Variants in KCNAB1 observed in about 807,000 individuals in gnomAD.
KCNAB1 encodes the protein potassium voltage-gated channel subfamily A regulatory beta subunit 1.
Under a neutral mutation model 64.6 loss-of-function variants are expected in KCNAB1, and 35 were observed. The ratio of observed to expected loss-of-function variants is 0.54; its 90% CI spans 0.41 to 0.72. KCNAB1 has a LOEUF of 0.72. Among genes scored for constraint, KCNAB1 ranks in the 30% least tolerant of loss-of-function variants. KCNAB1 has a pLI of 0.00. For synonymous variants in KCNAB1, 177 were observed against 183.8 expected (o/e 0.96, Z 0.30); for missense variants, 401 against 512.9 (o/e 0.78, Z 2.11).
At chr3:156,391,275 G>A (rs527386281) in intron 1 of KCNAB1, among the ~76,000 whole-genome samples, 3 of 151,992 alleles carry the variant, frequency 2.0e-5, no homozygotes, top group Admixed American at 6.5e-5. Context: ...CTGTTTCCTC[G>A]TCTATAAAAT....
intron 1 of KCNAB1, among the ~76,000 whole-genome samples, chr3:156,333,074 G>T (rs182536064): frequency 3.5e-4 from 53 of 152,204 alleles, no homozygotes; most frequent in Admixed American, 3.5e-3. Context: ...TAGTACTCCT[G>T]CAATCCAACC....
chr3:156,196,021 G>A (rs746580749), intron 1 of KCNAB1, among the ~76,000 whole-genome samples: 54 of 151,938 alleles, frequency 3.6e-4, no homozygotes, highest in Non-Finnish European at 1.9e-4. Context: ...CCAGTTTTCC[G>A]AACACCATTT....
At chr3:156,279,995 G>T (rs1275564179) in intron 1 of KCNAB1, among the ~76,000 whole-genome samples, 5 of 150,058 alleles carry the variant, frequency 3.3e-5, no homozygotes, top group Non-Finnish European at 7.4e-5. Flanking sequence ...GTCAATTTTG[G>T]CTTTTGTTGC....
At chr3:156,471,266 C>T (rs938447510) in intron 7 of KCNAB1, among the ~76,000 whole-genome samples, 13 of 152,276 alleles carry the variant, frequency 8.5e-5, no homozygotes, top group Admixed American at 8.5e-4. Flanking sequence ...CTTTAGAAAC[C>T]TGTGAAATAC....
At position 156,538,196 on chromosome 3, in the gene KCNAB1, G is replaced by A. The variant is rs1719195395; in HGVS notation, c.*1449G>A. 6.6e-6 allele frequency: 1 copy of A among 151,510 alleles called. No individual in the cohort carries two copies. Among genetic ancestry groups the A allele is most frequent in the African/African-American group, 2.4e-5 (1 of 41,168 alleles). The allele number at this position is 151,510 out of a possible 1,614,324, so 9.4% of individuals were successfully genotyped here. ...GGGAGTGGCCCTTTAACTCTATTTG[G>A]CTATCTGAGGATGTACAAAATTCTC... On this transcript the variant is annotated 3_prime_UTR_variant, in exon 14 of 14. Transcript: ENST00000490337.
chr3:156,224,964 G>A (rs1243104760), intron 1 of KCNAB1, among the ~76,000 whole-genome samples: 2 of 152,118 alleles, frequency 1.3e-5, no homozygotes, highest in African/African-American at 4.8e-5. Flanking sequence ...GGACCAGACC[G>A]ATTCACAGCT....
intron 1 of KCNAB1, among the ~76,000 whole-genome samples, chr3:156,354,432 A>T (rs1346198453): frequency 6.6e-6 from 1 of 151,898 alleles, no homozygotes; most frequent in African/African-American, 2.4e-5. Context: ...AAGTGCTGGG[A>T]TTACAGGCAT....
At chr3:156,247,548 A>G (rs1214054861) in intron 1 of KCNAB1, among the ~76,000 whole-genome samples, 1 of 151,994 alleles carries the variant, frequency 6.6e-6, no homozygotes, top group Non-Finnish European at 1.5e-5. Context: ...CTTCCAGCAG[A>G]CTGAACCACA....
intron 1 of KCNAB1, among the ~76,000 whole-genome samples, chr3:156,198,344 G>A (rs1714093721): frequency 1.3e-5 from 2 of 152,240 alleles, no homozygotes; most frequent in African/African-American, 2.4e-5. Context: ...GAATATCCTT[G>A]TTAATTTTCT....
At chr3:156,531,081 G>T (rs1267593166) in intron 12 of KCNAB1, among the ~76,000 whole-genome samples, 2 of 152,200 alleles carry the variant, frequency 1.3e-5, no homozygotes, top group Non-Finnish European at 2.9e-5. Context: ...TGGAAAACCA[G>T]CGGAGAAGCA....
rs1479368324 is a variant in KCNAB1 at position 156,324,683 on chromosome 3, C to T, written c.276-96933C>T. Among the ~76,000 whole-genome samples the T allele has an allele frequency of 5.3e-5, 8 of 152,110 alleles. No homozygotes were observed. In the East Asian group the frequency reaches 1.5e-3, roughly 29 times the overall value. The stretch of plus-strand genomic sequence containing the variant: ...CTTTGCTAGTTTGGGGACTTTTCCT[C>T]AGACCCTCACAGTCATATTCATTTT... On this transcript the variant is annotated intron_variant, in intron 1 of 13. Transcript: ENST00000490337.
At chr3:156,495,140 G>A (rs182401881) in intron 8 of KCNAB1, among the ~76,000 whole-genome samples, 1 of 152,208 alleles carries the variant, frequency 6.6e-6, no homozygotes, top group Non-Finnish European at 1.5e-5. Flanking sequence ...TTCTGTTTCT[G>A]CATTAGTTTG....
chr3:156,461,498 T>C (rs1049932171), intron 5 of KCNAB1, among the ~76,000 whole-genome samples: 1 of 152,228 alleles, frequency 6.6e-6, no homozygotes, highest in Non-Finnish European at 1.5e-5. Flanking sequence ...GCAGTGATCC[T>C]ATTTCCAAAT....
intron 1 of KCNAB1, among the ~76,000 whole-genome samples, chr3:156,236,274 A>G (rs567328103): frequency 6.6e-6 from 1 of 152,298 alleles, no homozygotes; most frequent in South Asian, 2.1e-4. Context: ...CAGCTCCTGC[A>G]AAGTTGCACC....
At chr3:156,317,269 T>C (rs1722333037) in intron 1 of KCNAB1, among the ~76,000 whole-genome samples, 1 of 152,180 alleles carries the variant, frequency 6.6e-6, no homozygotes, top group African/African-American at 2.4e-5. Flanking sequence ...TGCATGTACA[T>C]TTTCACATTG....
chr3:156,175,600 A>G (rs1712311790), intron 1 of KCNAB1, among the ~76,000 whole-genome samples: 1 of 152,252 alleles, frequency 6.6e-6, no homozygotes, highest in South Asian at 2.1e-4. Flanking sequence ...CCTGGGTGAT[A>G]GAGCGAGACT....
chr3:156,257,630 G>A (rs1372649664), intron 1 of KCNAB1, among the ~76,000 whole-genome samples: 1 of 152,054 alleles, frequency 6.6e-6, no homozygotes, highest in Non-Finnish European at 1.5e-5. Flanking sequence ...TTCACTATAG[G>A]GAGCACACTT....
intron 1 of KCNAB1, among the ~76,000 whole-genome samples, chr3:156,141,779 G>A (rs140262547): frequency 7.4e-4 from 113 of 152,288 alleles, no homozygotes; most frequent in African/African-American, 2.6e-3. Context: ...TGGGATAAAT[G>A]CCCAACAGTG....
chr3:156,332,352 T>G (rs939066667), intron 1 of KCNAB1, among the ~76,000 whole-genome samples: 7 of 152,200 alleles, frequency 4.6e-5, no homozygotes, highest in African/African-American at 1.7e-4. Context: ...TTTATCAAGT[T>G]TAGTCATCCA....
Sources: allele counts gnomAD v4.1 joint callset (sites outside exome capture counted in the v4.1 genomes callset), GRCh38; gene constraint gnomAD v4.1.1; transcripts MANE v1.5; gene names NCBI Gene and HGNC (gene_info 2026-07-23, HGNC 2026-07-21).